Variants in SORCS1 observed in about 807,000 individuals in gnomAD.
SORCS1 encodes the protein VPS10 domain-containing receptor SorCS1.
SORCS1 carries 60 observed loss-of-function variants against 146.1 expected under a neutral mutation model. The observed-to-expected ratio is 0.41, with a 90% CI of 0.33 to 0.51. SORCS1 has a LOEUF of 0.51. Among genes scored for constraint, SORCS1 ranks in the 20% least tolerant of loss-of-function variants. SORCS1 has a pLI of 0.21. For synonymous variants in SORCS1, 637 were observed against 584.0 expected (o/e 1.09, Z -1.31); for missense variants, 1,352 against 1,487.6 (o/e 0.91, Z 1.50).
At chr10:106,745,906 G>A (rs1055605155) in intron 5 of SORCS1, among the ~76,000 whole-genome samples, 5 of 152,180 alleles carry the variant, frequency 3.3e-5, no homozygotes, top group Non-Finnish European at 7.3e-5. Flanking sequence ...ATGAGGTGAT[G>A]AGAAGGGTAC....
At chr10:106,795,133 A>C (rs746987495) in intron 3 of SORCS1, among the ~76,000 whole-genome samples, 35 of 152,256 alleles carry the variant, frequency 2.3e-4, no homozygotes, top group Non-Finnish European at 4.4e-4. Flanking sequence ...ACACCATAAG[A>C]ATTCAATAGT....
At chr10:107,090,011 CTGTGT>C (rs1964070607) in intron 1 of SORCS1, among the ~76,000 whole-genome samples, 1 of 152,170 alleles carries the variant, frequency 6.6e-6, no homozygotes, top group East Asian at 1.9e-4. Flanking sequence ...TCCCTTAAGC[CTGTGT>C]TTATTTCACT....
intron 1 of SORCS1, among the ~76,000 whole-genome samples, chr10:107,058,727 C>G (rs975878982): frequency 6.6e-6 from 1 of 152,112 alleles, no homozygotes; most frequent in Admixed American, 6.5e-5. Context: ...GTGCCTGTCA[C>G]ATGGAATCCA....
chr10:106,875,515 C>T (rs1466773553), intron 2 of SORCS1, among the ~76,000 whole-genome samples: 1 of 151,916 alleles, frequency 6.6e-6, no homozygotes, highest in Non-Finnish European at 1.5e-5. Context: ...TAGATTTACT[C>T]TCAGTTCTTT....
intron 1 of SORCS1, among the ~76,000 whole-genome samples, chr10:107,029,607 T>C (rs1958559519): frequency 6.6e-6 from 1 of 152,174 alleles, no homozygotes. Context: ...ATTCAATTAA[T>C]CCAACAGACA....
intron 2 of SORCS1, among the ~76,000 whole-genome samples, chr10:106,864,536 C>T (rs913238180): frequency 6.6e-6 from 1 of 152,204 alleles, no homozygotes; most frequent in Non-Finnish European, 1.5e-5. Context: ...CCGGCAAAAG[C>T]AGCTGAAACT....
rs1856722593 is a variant in SORCS1 at position 106,733,117 on chromosome 10, AAAAGAAAAG to A, written c.960-3012_960-3004del. 4.7e-5 allele frequency among the ~76,000 whole-genome samples: 6 copies of A among 128,682 alleles called. 1 individual carries two copies. The highest frequency in any genetic ancestry group is 1.3e-4 in the African/African-American group (4 of 31,178). 84.4% of individuals were successfully genotyped at this position (128,682 alleles called of 152,430 possible). A position where few individuals can be genotyped will look rare whatever the true frequency, so the allele number is the denominator to read the frequency against. On this transcript the variant is annotated intron_variant, in intron 5 of 25. Coordinates refer to ENST00000263054, the MANE Select transcript of SORCS1 (RefSeq NM_052918.5). ...AGTGATACTCCATTTCAAAAAAAAG[AAAAGAAAAG>A]AAAAGAAAAGAAAAGAAAAAGAAAA...
intron 2 of SORCS1, among the ~76,000 whole-genome samples, chr10:106,935,153 C>T (rs1299725807): frequency 6.6e-6 from 1 of 152,080 alleles, no homozygotes; most frequent in African/African-American, 2.4e-5. Flanking sequence ...GACTCAGAAG[C>T]ATTTAGGTAT....
At chr10:106,626,998 A>G (rs1040293823) in intron 19 of SORCS1, among the ~76,000 whole-genome samples, 2 of 152,228 alleles carry the variant, frequency 1.3e-5, no homozygotes, top group African/African-American at 4.8e-5. Flanking sequence ...ATTTGGTCCA[A>G]TCAACTAGGC....
chr10:107,137,916 CTCAAT>C (rs1158055821), intron 1 of SORCS1, among the ~76,000 whole-genome samples: 2 of 151,602 alleles, frequency 1.3e-5, no homozygotes, highest in African/African-American at 4.8e-5. Flanking sequence ...TTTTTAACTA[CTCAAT>C]TCCAAGTTCC....
chr10:106,620,351 C>T lies in SORCS1; in HGVS notation c.2796+77G>A, dbSNP rs1352320501. The T allele has an allele frequency of 1.9e-6, 3 of 1,539,466 alleles. No individual in the cohort carries two copies. The African/African-American group carries it at 4.1e-5, about 21-fold the overall frequency. On this transcript the variant is annotated intron_variant, in intron 20 of 25. Coordinates refer to ENST00000263054, the MANE Select transcript of SORCS1 (RefSeq NM_052918.5). ...CTTCTACACTCTAGGGTTCATAAGC[C>T]ATTTCATTCCCTCCTTTGCTTCAGG... is the stretch of plus-strand genomic sequence containing the variant.
At chr10:106,667,866 A>T in intron 16 of SORCS1, 64 bp from the exon 17 acceptor site, 1 of 1,130,432 alleles carries the variant, frequency 8.8e-7, no homozygotes, top group Non-Finnish European at 1.3e-6. Flanking sequence ...ACAATTCTAC[A>T]TCAGTCCACA....
chr10:106,897,814 G>A (rs1435489211), intron 2 of SORCS1, among the ~76,000 whole-genome samples: 1 of 152,164 alleles, frequency 6.6e-6, no homozygotes, highest in Non-Finnish European at 1.5e-5. Flanking sequence ...TTAGTCAATG[G>A]TACACGTGAG....
chr10:106,596,646 C>T (rs1428144175), intron 24 of SORCS1, among the ~76,000 whole-genome samples: 1 of 152,096 alleles, frequency 6.6e-6, no homozygotes, highest in Non-Finnish European at 1.5e-5. Context: ...CTGTACCACT[C>T]CTAAGTTCCT....
At chr10:107,112,890 C>G (rs1965786687) in intron 1 of SORCS1, among the ~76,000 whole-genome samples, 1 of 152,040 alleles carries the variant, frequency 6.6e-6, no homozygotes, top group Non-Finnish European at 1.5e-5. Context: ...GAGAAATAGA[C>G]AGCAATCAAA....
intron 1 of SORCS1, among the ~76,000 whole-genome samples, chr10:107,113,791 G>T (rs1251773000): frequency 6.6e-6 from 1 of 150,854 alleles, no homozygotes; most frequent in African/African-American, 2.4e-5. Flanking sequence ...TCAGCAGAAA[G>T]AAAGACATAA....
intron 1 of SORCS1, among the ~76,000 whole-genome samples, chr10:107,157,962 A>G (rs1177487617): frequency 6.6e-6 from 1 of 152,248 alleles, no homozygotes; most frequent in East Asian, 1.9e-4. Flanking sequence ...AGGGACAGTA[A>G]TTAAGACATA....
intron 21 of SORCS1, among the ~76,000 whole-genome samples, chr10:106,613,942 A>C (rs1298949745): frequency 6.6e-6 from 1 of 152,042 alleles, no homozygotes; most frequent in Non-Finnish European, 1.5e-5. Flanking sequence ...TCTCACCCCG[A>C]GAGGCCTTTC....
At position 106,629,810 on chromosome 10, in the gene SORCS1, C is replaced by T. The variant is rs542631297; in HGVS notation, c.2476-422G>A. Among the ~76,000 whole-genome samples, 14 of 152,296 alleles carry T rather than the reference C, an allele frequency of 9.2e-5. No individual in the cohort carries two copies. The East Asian group carries it at 2.5e-3, about 27-fold the overall frequency. ...CCTGTAATCCCAGCACTTTGGGAGG[C>T]TGAGGCAGGCAGATCACAAGGTCAA... On this transcript the variant is annotated intron_variant, in intron 18 of 25. Transcript: ENST00000263054.
Sources: gnomAD v4.1 joint callset for allele counts (sites outside exome capture counted in the v4.1 genomes callset) on GRCh38, gnomAD v4.1.1 for gene constraint, MANE v1.5 for transcripts, NCBI Gene and HGNC (gene_info 2026-07-23, HGNC 2026-07-21) for gene names.